BICD1: variants seen among roughly 807,000 people sequenced by gnomAD.
BICD1 encodes the protein BICD cargo adaptor 1, also known as protein bicaudal D homolog 1.
In BICD1, 35 loss-of-function variants were observed where a neutral mutation model predicts 92.5. That is an observed-to-expected ratio of 0.38 (90% confidence interval 0.29 to 0.50). The LOEUF is 0.50. Ranked by LOEUF, BICD1 falls within the 20% of genes least tolerant of loss-of-function variation. The pLI is 0.93. For synonymous variants in BICD1, 429 were observed against 465.1 expected (o/e 0.92, Z 1.00); for missense variants, 950 against 1,189.8 (o/e 0.80, Z 2.97).
At chr12:32,138,102 TA>T (rs1417257715) in intron 1 of BICD1, among the ~76,000 whole-genome samples, 4 of 152,130 alleles carry the variant, frequency 2.6e-5, no homozygotes, top group Non-Finnish European at 5.9e-5. Context: ...CCTGGCCAAA[TA>T]TATAAAGTTT....
At position 32,107,879 on chromosome 12, in the gene BICD1, T is replaced by C; in HGVS notation, c.213+335T>C. The C allele has an allele frequency of 5.0e-6, 3 of 605,420 alleles. No homozygotes were observed. The South Asian group carries it at 5.8e-5, about 12-fold the overall frequency. The allele number at this position is 605,420 out of a possible 1,614,324, so 37.5% of individuals were successfully genotyped here. A position where few individuals can be genotyped will look rare whatever the true frequency, so the allele number is the denominator to read the frequency against. ...ATCAAACTTCTCAAAACCGCTGTTA[T>C]CTCAAACCCAGGTTTCAGCGACAAT... On this transcript the variant is annotated intron_variant, in intron 1 of 9. Transcript: ENST00000652176.
chr12:32,308,853 G>A (rs1025892839), intron 4 of BICD1, among the ~76,000 whole-genome samples: 2 of 152,096 alleles, frequency 1.3e-5, no homozygotes, highest in Non-Finnish European at 2.9e-5. Context: ...GTAGAGGGGC[G>A]CAGGTAGGTC....
In BICD1 at chr12:32,299,161, C is replaced by A. The variant is rs1565652233; in HGVS notation, c.579+5015C>A. 2.0e-5 allele frequency among the ~76,000 whole-genome samples: 3 copies of A among 152,258 alleles called. No individual in the cohort carries two copies. The East Asian group carries it at 5.8e-4, about 29-fold the overall frequency. On this transcript the variant is annotated intron_variant, in intron 3 of 9. Transcript: ENST00000652176. ...CTCTGAAAGGATTATGATATCTAAC[C>A]TTGACCGTCATGTAGTTAAAAATAA...
chr12:32,321,259 G>A (rs1173500473), intron 4 of BICD1, among the ~76,000 whole-genome samples: 1 of 152,166 alleles, frequency 6.6e-6, no homozygotes, highest in East Asian at 1.9e-4. Flanking sequence ...CCCGGAGGCA[G>A]AGGTTGCAGT....
At chr12:32,228,261 C>A (rs917017057) in intron 2 of BICD1, 1 of 152,334 alleles carries the variant, frequency 6.6e-6, no homozygotes, top group African/African-American at 2.4e-5. Flanking sequence ...ATATAAATGT[C>A]CAATTGTCCA....
At chr12:32,298,327 C>T (rs539481119) in intron 3 of BICD1, among the ~76,000 whole-genome samples, 15 of 152,042 alleles carry the variant, frequency 9.9e-5, no homozygotes, top group South Asian at 8.3e-4. Flanking sequence ...TTTGGGAGGC[C>T]GAGGTGGGCG....
At chr12:32,247,036 C>T (rs1025709118) in intron 2 of BICD1, among the ~76,000 whole-genome samples, 4 of 151,794 alleles carry the variant, frequency 2.6e-5, no homozygotes, top group Non-Finnish European at 4.4e-5. Flanking sequence ...GTGGGTGGAT[C>T]CCTTGAGTTC....
chr12:32,120,895 GA>G (rs757230402), intron 1 of BICD1, among the ~76,000 whole-genome samples: 2 of 24,768 alleles, frequency 8.1e-5, no homozygotes, highest in South Asian at 3.1e-3. Context: ...GAGAGAGAGA[GA>G]AAAAAAAAAG....
At chr12:32,243,838 A>G (rs564980560) in intron 2 of BICD1, among the ~76,000 whole-genome samples, 7 of 152,150 alleles carry the variant, frequency 4.6e-5, no homozygotes, top group Non-Finnish European at 1.0e-4. Flanking sequence ...CGTGGCTTTT[A>G]TACTTTCAAT....
At chr12:32,190,165 A>T (rs528484109) in intron 1 of BICD1, among the ~76,000 whole-genome samples, 1 of 152,350 alleles carries the variant, frequency 6.6e-6, no homozygotes, top group East Asian at 1.9e-4. Context: ...ATTTAAAGTC[A>T]CAAAGCAAGA....
intron 8 of BICD1, among the ~76,000 whole-genome samples, chr12:32,352,160 G>A (rs540687647): frequency 2.0e-5 from 3 of 152,012 alleles, no homozygotes; most frequent in African/African-American, 7.2e-5. Flanking sequence ...AGCCGAGATC[G>A]TGCCTCTGCA....
chr12:32,245,920 C>A (rs560421542), intron 2 of BICD1, among the ~76,000 whole-genome samples: 1 of 143,958 alleles, frequency 6.9e-6, no homozygotes, highest in Non-Finnish European at 1.5e-5. Context: ...GTCCCAGCTA[C>A]TTGGGAGGCT....
chr12:32,108,726 A>T, intron 1 of BICD1: 1 of 668,260 alleles, frequency 1.5e-6, no homozygotes. Context: ...ATACTTTTAG[A>T]TATGTCTTAT....
chr12:32,307,169 A>G (rs1948252195), intron 4 of BICD1, among the ~76,000 whole-genome samples: 1 of 152,260 alleles, frequency 6.6e-6, no homozygotes, highest in Non-Finnish European at 1.5e-5. Context: ...ATTTATGGTT[A>G]CATTTCACAG....
rs79284540 is a variant in BICD1 at position 32,277,029 on chromosome 12, A to C, written c.427-16965A>C. 7.7e-3 allele frequency among the ~76,000 whole-genome samples: 1,167 copies of C among 152,304 alleles called. 14 individuals carry two copies. Among genetic ancestry groups the C allele is most frequent in the African/African-American group, 0.027 (1,118 of 41,570 alleles). ...TAGAAGAAAACTAACAGTCCCAAAAATGTTTTGGTGTAAGTCAATATATGA... is the reference window on the plus strand; with the variant it reads ...TAGAAGAAAACTAACAGTCCCAAAACTGTTTTGGTGTAAGTCAATATATGA... On this transcript the variant is annotated intron_variant, in intron 2 of 9. Transcript: ENST00000652176.
At chr12:32,135,080 C>T (rs1328481721) in intron 1 of BICD1, among the ~76,000 whole-genome samples, 1 of 86,732 alleles carries the variant, frequency 1.2e-5, no homozygotes, top group Non-Finnish European at 2.2e-5. Flanking sequence ...CCCTTCCCCG[C>T]TCCCCTCCTT....
chr12:32,288,271 GC>G (rs1254067181), intron 2 of BICD1, among the ~76,000 whole-genome samples: 4 of 137,288 alleles, frequency 2.9e-5, no homozygotes, highest in Non-Finnish European at 6.1e-5. Context: ...TCACTCTGTA[GC>G]CCAGGCTGGA....
intron 9 of BICD1, among the ~76,000 whole-genome samples, chr12:32,371,969 G>C (rs1939755656): frequency 6.6e-6 from 1 of 152,208 alleles, no homozygotes; most frequent in South Asian, 2.1e-4. Flanking sequence ...GAACACAACT[G>C]AGCCTAGTGA....
At chr12:32,108,259 T>C (rs1473095941) in intron 1 of BICD1, 2 of 181,686 alleles carry the variant, frequency 1.1e-5, no homozygotes, top group Non-Finnish European at 2.3e-5. Context: ...GTGGGTAGTG[T>C]TGCATTTCAA....
Sources: gnomAD v4.1 joint callset for allele counts (sites outside exome capture counted in the v4.1 genomes callset) on GRCh38, gnomAD v4.1.1 for gene constraint, MANE v1.5 for transcripts, NCBI Gene and HGNC (gene_info 2026-07-23, HGNC 2026-07-21) for gene names.